Variants in DDHD1 observed in about 807,000 individuals in gnomAD.
DDHD1 encodes the protein phospholipase DDHD1.
Under a neutral mutation model 96.4 loss-of-function variants are expected in DDHD1, and 49 were observed. The ratio of observed to expected loss-of-function variants is 0.51; its 90% CI spans 0.40 to 0.64. The LOEUF is 0.64. Ranked by LOEUF, DDHD1 falls within the 30% of genes least tolerant of loss-of-function variation. The pLI is 0.00. For synonymous variants in DDHD1, 442 were observed against 446.5 expected (o/e 0.99, Z 0.13); for missense variants, 1,106 against 1,161.2 (o/e 0.95, Z 0.69).
chr14:53,096,923 C>T (rs1053190226), intron 2 of DDHD1, among the ~76,000 whole-genome samples: 4 of 151,958 alleles, frequency 2.6e-5, no homozygotes, highest in African/African-American at 9.7e-5. Flanking sequence ...ACTAAACAGA[C>T]AACATAGAGT....
At position 53,054,279 on chromosome 14, in the gene DDHD1, A is replaced by C. The variant is rs79302078; in HGVS notation, c.2437+159T>G. On this transcript the variant is annotated intron_variant, in intron 11 of 12. Coordinates refer to ENST00000673822, the MANE Select transcript of DDHD1 (RefSeq NM_001160148.2). ...CTGCATTTTCCTGGAAATTATTCTT[A>C]AAAATATAAGCAGAAGGAAAGCATT... 5,392 of 601,294 alleles carry C rather than the reference A, an allele frequency of 9.0e-3. 37 individuals carry two copies. Among genetic ancestry groups the C allele is most frequent in the Non-Finnish European group, 0.013 (4,820 of 366,760 alleles). The allele number at this position is 601,294 out of a possible 1,614,324, so 37.2% of individuals were successfully genotyped here. A position where few individuals can be genotyped will look rare whatever the true frequency, so the allele number is the denominator to read the frequency against.
intron 1 of DDHD1, among the ~76,000 whole-genome samples, chr14:53,119,359 A>G (rs1040382270): frequency 6.6e-6 from 1 of 152,178 alleles, no homozygotes. Flanking sequence ...ATCAAAAGAC[A>G]CAGACTGGCA....
At chr14:53,141,857 T>C (rs1418105424) in intron 1 of DDHD1, among the ~76,000 whole-genome samples, 1 of 152,152 alleles carries the variant, frequency 6.6e-6, no homozygotes, top group Admixed American at 6.6e-5. Flanking sequence ...AAGTATAGGC[T>C]GAAGTAATTT....
At chr14:53,082,442 CTTTTTTTTTTTTT>C (rs35059788) in intron 4 of DDHD1, among the ~76,000 whole-genome samples, 1 of 121,902 alleles carries the variant, frequency 8.2e-6, no homozygotes, top group East Asian at 2.2e-4. Flanking sequence ...TCCAAGATAC[CTTTTTTTTTTTTT>C]TTTTTTTTAA....
chr14:53,149,800 T>C (rs1891226703), intron 1 of DDHD1: 1 of 152,242 alleles, frequency 6.6e-6, no homozygotes, highest in Non-Finnish European at 1.5e-5. Flanking sequence ...GGTTAACTTC[T>C]GTAGGCTCCC....
chr14:53,073,088 ACT>A (rs1432684816), intron 5 of DDHD1, among the ~76,000 whole-genome samples: 1 of 151,960 alleles, frequency 6.6e-6, no homozygotes, highest in Non-Finnish European at 1.5e-5. Context: ...CAGTATAACA[ACT>A]CTCTCATTTT....
chr14:53,124,218 A>G lies in DDHD1; in HGVS notation c.839-20362T>C, dbSNP rs1250749184. 3.3e-5 allele frequency among the ~76,000 whole-genome samples: 5 copies of G among 151,136 alleles called. No individual in the cohort carries two copies. In the East Asian group the frequency reaches 9.7e-4, roughly 29 times the overall value. ...CCAGTGCACTCCAGCCTGGGCGACA[A>G]GAGTGAAACTCTGTCTCAAAAAAAA... On this transcript the variant is annotated intron_variant, in intron 1 of 12. Coordinates refer to ENST00000673822, the MANE Select transcript of DDHD1 (RefSeq NM_001160148.2).
At chr14:53,054,371 C>A (rs1467014087) in intron 11 of DDHD1, 67 bp downstream of exon 11, 5 of 1,438,966 alleles carry the variant, frequency 3.5e-6, no homozygotes, top group South Asian at 1.4e-5. Flanking sequence ...ATATTTTATA[C>A]CTCCCTGCCC....
intron 1 of DDHD1, among the ~76,000 whole-genome samples, chr14:53,121,922 TA>T (rs10673927): frequency 4.1e-5 from 6 of 146,236 alleles, no homozygotes; most frequent in African/African-American, 5.1e-5. Context: ...CCCAGAACGT[TA>T]AAAAAAAAAA....
At chr14:53,104,823 G>A (rs966702593) in intron 1 of DDHD1, among the ~76,000 whole-genome samples, 4 of 151,832 alleles carry the variant, frequency 2.6e-5, no homozygotes, top group African/African-American at 9.7e-5. Flanking sequence ...TGAAACAAAT[G>A]GATCTAATTA....
rs1043675131 is a variant in DDHD1, at chr14:53,152,275, G to C, written c.824C>G (p.Pro275Arg). Residue 275 changes from proline to arginine, a missense_variant, in exon 1 of 13, where the codon CCG becomes CGG. Transcript: ENST00000673822. The stretch of plus-strand genomic sequence containing the variant: ...CCGCTACTCACGGTTCCAGTACACC[G>C]GGTAGCACTCTCCTTGGGTCACATC... ...EVDVTQGECY[P>R]VYWNQADKIP... The C allele has an allele frequency of 6.2e-7, 1 of 1,609,674 alleles. No individual in the cohort carries two copies. The highest frequency in any genetic ancestry group is 8.5e-7 in the Non-Finnish European group (1 of 1,177,728).
At chr14:53,098,146 ATT>A (rs1887027004) in intron 2 of DDHD1, among the ~76,000 whole-genome samples, 1 of 152,004 alleles carries the variant, frequency 6.6e-6, no homozygotes, top group South Asian at 2.1e-4. Context: ...GCACTATTTA[ATT>A]TTCTTTTTTT....
At chr14:53,118,103 A>G (rs969205986) in intron 1 of DDHD1, among the ~76,000 whole-genome samples, 1 of 152,188 alleles carries the variant, frequency 6.6e-6, no homozygotes, top group Admixed American at 6.5e-5. Flanking sequence ...ACAAACAGAA[A>G]GGAACAGCAT....
intron 4 of DDHD1, among the ~76,000 whole-genome samples, chr14:53,074,534 A>G (rs942041173): frequency 6.6e-6 from 1 of 151,946 alleles, no homozygotes; most frequent in Non-Finnish European, 1.5e-5. Context: ...GAAATTAATA[A>G]TTCTTTAATT....
chr14:53,065,203 G>A (rs1302125697), intron 6 of DDHD1, among the ~76,000 whole-genome samples: 1 of 152,172 alleles, frequency 6.6e-6, no homozygotes, highest in Non-Finnish European at 1.5e-5. Context: ...AACGTAAGGA[G>A]GAAAAACCCG....
intron 4 of DDHD1, among the ~76,000 whole-genome samples, chr14:53,077,421 A>T (rs1885066909): frequency 6.6e-6 from 1 of 152,214 alleles, no homozygotes; most frequent in Admixed American, 6.5e-5. Flanking sequence ...TTTCTGCATG[A>T]ACTGAGGCAC....
intron 4 of DDHD1, among the ~76,000 whole-genome samples, chr14:53,086,279 T>C (rs1885941916): frequency 6.6e-6 from 1 of 151,958 alleles, no homozygotes; most frequent in Non-Finnish European, 1.5e-5. Flanking sequence ...AGGCCAACAT[T>C]CAAATTCAGG....
intron 4 of DDHD1, among the ~76,000 whole-genome samples, chr14:53,088,177 A>T (rs932873709): frequency 2.6e-5 from 4 of 152,216 alleles, no homozygotes; most frequent in Non-Finnish European, 5.9e-5. Flanking sequence ...GCAATAATTA[A>T]TAACCTACCA....
intron 7 of DDHD1, among the ~76,000 whole-genome samples, chr14:53,061,759 C>T (rs577993158): frequency 1.9e-4 from 29 of 152,114 alleles, no homozygotes; most frequent in South Asian, 2.1e-4. Flanking sequence ...GTTGGCCAGG[C>T]GCAGTAGCTT....
Sources: gnomAD v4.1 joint callset for allele counts (sites outside exome capture counted in the v4.1 genomes callset) on GRCh38, gnomAD v4.1.1 for gene constraint, MANE v1.5 for transcripts, NCBI Gene and HGNC (gene_info 2026-07-23, HGNC 2026-07-21) for gene names.